CUL5: variants seen among roughly 807,000 people sequenced by gnomAD.
The protein encoded by CUL5 is cullin 5.
CUL5 carries 26 observed loss-of-function variants against 108.8 expected under a neutral mutation model. That is an observed-to-expected ratio of 0.24 (90% CI 0.18 to 0.33). The LOEUF is 0.33. Among genes scored for constraint, CUL5 ranks in the 10% least tolerant of loss-of-function variants. The pLI, the probability that CUL5 is intolerant of heterozygous loss-of-function variation, is 1.00. For missense variants in CUL5, 524 were observed against 909.2 expected (o/e 0.58, Z 5.45); for synonymous variants, 334 against 298.0 (o/e 1.12, Z -1.25).
intron 8 of CUL5, among the ~76,000 whole-genome samples, chr11:108,071,660 C>G (rs1261971842): frequency 1.3e-5 from 2 of 152,162 alleles, no homozygotes; most frequent in Non-Finnish European, 2.9e-5. Context: ...ATTCCTCACA[C>G]TTCAGCCTCC....
intron 1 of CUL5, among the ~76,000 whole-genome samples, chr11:108,027,180 T>A (rs1045904799): frequency 1.3e-5 from 2 of 151,594 alleles, no homozygotes; most frequent in African/African-American, 4.8e-5. Context: ...CGCTGTCGCC[T>A]AGGCTGGAGT....
At chr11:108,048,877 A>G (rs1863138012) in intron 3 of CUL5, among the ~76,000 whole-genome samples, 1 of 151,776 alleles carries the variant, frequency 6.6e-6, no homozygotes. Flanking sequence ...ATGTTGGTCA[A>G]GCTGGTCTCA....
rs191816097 is a variant in CUL5, at chr11:108,080,775, A to G, written c.1178+2535A>G. ...TTATATATTCTGGTACTGGATCCGT[A>G]TCAGATAGATGATGTGCTAATATTT... is the stretch of plus-strand genomic sequence containing the variant. On this transcript the variant is annotated intron_variant, in intron 11 of 18. Transcript: ENST00000393094. Among the ~76,000 whole-genome samples the G allele has an allele frequency of 5.9e-5, 9 of 152,294 alleles. No individual in the cohort carries two copies. In the East Asian group the frequency reaches 1.5e-3, roughly 26 times the overall value.
intron 11 of CUL5, among the ~76,000 whole-genome samples, chr11:108,084,166 G>C (rs1864169369): frequency 6.6e-6 from 1 of 152,314 alleles, no homozygotes; most frequent in Admixed American, 6.5e-5. Flanking sequence ...AGGAGGAGTG[G>C]AGTAGTTTGT....
intron 10 of CUL5, chr11:108,073,771 A>G (rs1863882562): frequency 1.0e-5 from 2 of 192,526 alleles, no homozygotes; most frequent in Non-Finnish European, 2.1e-5. Context: ...TTACTGATCT[A>G]TTGAATTCCT....
intron 2 of CUL5, among the ~76,000 whole-genome samples, chr11:108,035,727 G>T (rs1862723056): frequency 6.6e-6 from 1 of 151,694 alleles, no homozygotes; most frequent in Admixed American, 6.6e-5. Flanking sequence ...TACACTCCAG[G>T]CTGGGTGACA....
rs1328456107 is a variant in CUL5, at chr11:108,073,155, A to T, written c.1006-235A>T. On this transcript the variant is annotated intron_variant, in intron 9 of 18. Transcript: ENST00000393094. ...AAGTGGAGCTTGCAGTGAGCCGAGA[A>T]GGTGCCACTGCACTCCAGCCTGGGC... 2.6e-5 allele frequency among the ~76,000 whole-genome samples: 4 copies of T among 151,542 alleles called. No homozygotes were observed. The East Asian group carries it at 7.7e-4, about 29-fold the overall frequency.
chr11:108,071,029 AG>A, intron 8 of CUL5, among the ~76,000 whole-genome samples: 1 of 152,336 alleles, frequency 6.6e-6, no homozygotes, highest in African/African-American at 2.4e-5. Context: ...ACCGTGAGGT[AG>A]GGTTTTTGTG....
At chr11:108,021,974 C>G (rs1012521290) in intron 1 of CUL5, among the ~76,000 whole-genome samples, 9 of 151,980 alleles carry the variant, frequency 5.9e-5, no homozygotes, top group Non-Finnish European at 1.3e-4. Context: ...CCCACCATGC[C>G]CATCTATCTA....
intron 7 of CUL5, among the ~76,000 whole-genome samples, chr11:108,069,859 C>G (rs1429429158): frequency 6.6e-6 from 1 of 152,126 alleles, no homozygotes; most frequent in African/African-American, 2.4e-5. Flanking sequence ...TCCTTGAGGA[C>G]TTTTGTTAAA....
intron 3 of CUL5, among the ~76,000 whole-genome samples, chr11:108,047,673 T>C (rs918386731): frequency 5.9e-5 from 9 of 152,238 alleles, no homozygotes; most frequent in South Asian, 2.1e-4. Context: ...TAGGAAGTTA[T>C]CTTTTAATGA....
At position 108,078,225 on chromosome 11, in the gene CUL5, C is replaced by T; in HGVS notation, c.1163C>T (p.Pro388Leu). The change falls in exon 11 of 19, where the codon CCT (proline) becomes CTT (leucine). Residue 388 changes from proline (P) to leucine (L), a missense_variant. Pro to Leu is a moderately conservative substitution (Grantham distance 98). This residue lies in a region of CUL5 where 76 missense variants were observed against 168.3 expected (regional missense o/e 0.45). Coordinates refer to ENST00000393094, the MANE Select transcript of CUL5 (RefSeq NM_003478.6). The part of the protein sequence containing the change: ...NDATIFKLEL[P>L]LKQKGVGLKT... ...GCTACCATATTTAAACTTGAATTAC[C>T]TTTGAAGCAGAAGGGGTAAGTTTTT... 6.4e-7 allele frequency: 1 copy of T among 1,572,944 alleles called. No individual in the cohort carries two copies. Among genetic ancestry groups the T allele is most frequent in the East Asian group, 2.3e-5 (1 of 43,554 alleles).
rs148051994 is a variant in CUL5, at chr11:108,080,127, T to TTTC, written c.1178+1887_1178+1888insTTC. On this transcript the variant is annotated intron_variant, in intron 11 of 18. Transcript: ENST00000393094. ...ATTTTTCATCTTTTTTTTTTTTTTT[T>TTTC]CCGGTATTCGTATATTTTCCTTTAT... Among the ~76,000 whole-genome samples, 115 of 143,320 alleles carry TTTC rather than the reference T, an allele frequency of 8.0e-4. 3 individuals are homozygous for TTTC. The highest frequency in any genetic ancestry group is 7.2e-3 in the Middle Eastern group (2 of 278). 94.0% of individuals were successfully genotyped at this position (143,320 alleles called of 152,430 possible). A position where few individuals can be genotyped will look rare whatever the true frequency, so the allele number is the denominator to read the frequency against.
At chr11:108,049,622 A>G (rs954866866) in intron 3 of CUL5, among the ~76,000 whole-genome samples, 4 of 152,108 alleles carry the variant, frequency 2.6e-5, no homozygotes, top group African/African-American at 9.7e-5. Flanking sequence ...GGACTACTGT[A>G]TGAGCCACCA....
intron 7 of CUL5, among the ~76,000 whole-genome samples, chr11:108,066,415 A>C (rs1324315810): frequency 6.6e-6 from 1 of 151,554 alleles, no homozygotes; most frequent in Admixed American, 6.6e-5. Flanking sequence ...ACCCTAACCT[A>C]TTTTTCTAAC....
intron 7 of CUL5, among the ~76,000 whole-genome samples, chr11:108,057,577 C>T (rs924582813): frequency 6.6e-6 from 1 of 152,062 alleles, no homozygotes; most frequent in Non-Finnish European, 1.5e-5. Flanking sequence ...ATTAAACAAT[C>T]GCAAATTGAT....
At chr11:108,092,273 T>C (rs747083187) in intron 13 of CUL5, among the ~76,000 whole-genome samples, 1 of 152,204 alleles carries the variant, frequency 6.6e-6, no homozygotes, top group Non-Finnish European at 1.5e-5. Flanking sequence ...CATAAGATGG[T>C]GCAGACACTT....
intron 14 of CUL5, 110 bp from the exon 15 acceptor site, chr11:108,094,702 T>A: frequency 1.0e-6 from 1 of 954,656 alleles, no homozygotes; most frequent in Non-Finnish European, 1.5e-6. Context: ...AGGACACTTT[T>A]AACAAAATCT....
intron 4 of CUL5, among the ~76,000 whole-genome samples, chr11:108,052,374 G>A (rs986072585): frequency 6.6e-6 from 1 of 152,082 alleles, no homozygotes; most frequent in African/African-American, 2.4e-5. Flanking sequence ...GAGGGCAGTG[G>A]CGTGGTCTCG....
Sources: gnomAD v4.1 joint callset for allele counts (sites outside exome capture counted in the v4.1 genomes callset) on GRCh38, gnomAD v4.1.1 for gene constraint, gnomAD v4.1.1 regional missense constraint, MANE v1.5 for transcripts, NCBI Gene and HGNC (gene_info 2026-07-23, HGNC 2026-07-21) for gene names.